Variants in BRF1 observed in about 807,000 individuals in gnomAD.
BRF1 encodes the protein transcription factor IIIB 90 kDa subunit.
A neutral mutation model predicts 81.7 loss-of-function variants in BRF1; 59 were observed. The ratio of observed to expected loss-of-function variants is 0.72; its 90% CI spans 0.59 to 0.90. The LOEUF (loss-of-function observed/expected upper bound fraction) is 0.90, where lower values mean the gene tolerates loss of function less well. Ranked by LOEUF, BRF1 falls within the 40% of genes least tolerant of loss-of-function variation. The probability of loss-of-function intolerance (pLI) is 0.00; values close to 1 mark genes in which losing one functional copy is unlikely to be tolerated. For missense variants in BRF1, 1,050 were observed against 936.3 expected (o/e 1.12, Z -1.58); for synonymous variants, 491 against 395.6 (o/e 1.24, Z -2.86).
chr14:105,305,221 C>A (rs939136563), upstream of BRF1, among the ~76,000 whole-genome samples: 3 of 151,926 alleles, frequency 2.0e-5, no homozygotes, highest in African/African-American at 7.3e-5. Context: ...AGCAACATGG[C>A]AAAACCCTGA....
At position 105,248,569 on chromosome 14, in the gene BRF1, T is replaced by TCGGGCGGGCGGGCGGG. The variant is rs587760631; in HGVS notation, c.544+3922_544+3937dup. 1.2e-3 allele frequency: 636 copies of TCGGGCGGGCGGGCGGG among 542,844 alleles called. 3 individuals are homozygous for TCGGGCGGGCGGGCGGG. Among genetic ancestry groups the TCGGGCGGGCGGGCGGG allele is most frequent in the East Asian group, 3.6e-3 (21 of 5,810 alleles). The allele number at this position is 542,844 out of a possible 1,614,324, so 33.6% of individuals were successfully genotyped here. ...CACCGGCGCCGCGGCGGGTACGGGC[T>TCGGGCGGGCGGGCGGG]CGGGCGGGCGGGCGGGCGGGACGGC... On this transcript the variant is annotated intron_variant, in intron 5 of 17. Coordinates refer to ENST00000547530, the MANE Select transcript of BRF1 (RefSeq NM_001519.4).
intron 3 of BRF1, among the ~76,000 whole-genome samples, chr14:105,267,289 C>T (rs1052029231): frequency 2.6e-5 from 4 of 152,028 alleles, no homozygotes; most frequent in Non-Finnish European, 4.4e-5. Flanking sequence ...GTCAGCCTTT[C>T]GGAAGTCTGA....
At chr14:105,302,219 T>C (rs2058059519), upstream of BRF1, among the ~76,000 whole-genome samples, 1 of 150,816 alleles carries the variant, frequency 6.6e-6, no homozygotes, top group Non-Finnish European at 1.5e-5. Flanking sequence ...TTTTTTTTTT[T>C]TGAGACGGAG....
intron 1 of BRF1, chr14:105,314,914 G>A: frequency 9.8e-7 from 1 of 1,025,406 alleles, no homozygotes; most frequent in Non-Finnish European, 1.2e-6. Flanking sequence ...GGCGGGGCCG[G>A]CGCCATGGCC....
Position 105,272,747 on chromosome 14 carries a change from A to G in BRF1, c.413T>C (p.Leu138Pro), listed in dbSNP as rs781256116. Residue 138 changes from leucine (L) to proline (P), a missense_variant, in exon 3 of 18, where the codon CTG becomes CCG. Around this residue, in one of 2 missense-constraint regions of BRF1, gnomAD observed 1,043 missense variants for 915.4 expected, o/e 1.14. Coordinates refer to ENST00000547530, the MANE Select transcript of BRF1 (RefSeq NM_001519.4). ...MAHVIAACLY[L>P]VCRTEGTPHM... ...CGGCGTGCCCTCCGTACGGCAGACC[A>G]GGTAGAGGCAGGCAGCAATCACGTG... 4 of 1,613,172 alleles carry G rather than the reference A, an allele frequency of 2.5e-6. No individual in the cohort carries two copies. Among genetic ancestry groups the G allele is most frequent in the African/African-American group, 1.3e-5 (1 of 74,932 alleles).
chr14:105,266,141 G>A (rs1026542641), intron 3 of BRF1, among the ~76,000 whole-genome samples: 24 of 151,966 alleles, frequency 1.6e-4, no homozygotes, highest in African/African-American at 5.3e-4. Flanking sequence ...TTATAGCCTC[G>A]AGTGCTTATG....
chr14:105,226,842 C>G (rs138850025), intron 7 of BRF1, 82 bp from the exon 8 acceptor site: 7 of 1,595,996 alleles, frequency 4.4e-6, no homozygotes, highest in Non-Finnish European at 6.0e-6. Context: ...CTGGGCGTGG[C>G]TCATGCCTGT....
intron 5 of BRF1, chr14:105,249,454 C>T: frequency 1.2e-6 from 2 of 1,613,658 alleles, no homozygotes; most frequent in Non-Finnish European, 1.7e-6. Context: ...GACGTGGAGC[C>T]CGCAGCCTTT....
intron 1 of BRF1, chr14:105,314,693 G>T (rs1347098945): frequency 2.1e-5 from 3 of 142,494 alleles, no homozygotes; most frequent in African/African-American, 7.5e-5. Flanking sequence ...GCGCGGGGCG[G>T]CCGGGGGCGC....
In BRF1 at chr14:105,217,579, T is replaced by G. The variant is rs587623336; in HGVS notation, c.1737A>C (p.Arg579Ser). ...CACTGGTCACAGGGTCAGCCCCACT[T>G]CTGCTGGCCGGCGTCCTCCTTCGTG... ...KLSRRRTPASRSGADPVTSVG... is the reference protein window; with the variant it reads ...KLSRRRTPASSSGADPVTSVG... Residue 579 changes from arginine (R) to serine (S), a missense_variant, in exon 15 of 18, where the codon AGA becomes AGC. Physicochemically the swap from Arg to Ser is moderately radical, Grantham distance 110. This residue lies in a region of BRF1 where 1,043 missense variants were observed against 915.4 expected (regional missense o/e 1.14). Coordinates refer to ENST00000547530, the MANE Select transcript of BRF1 (RefSeq NM_001519.4). 34 of 1,613,500 alleles carry G rather than the reference T, an allele frequency of 2.1e-5. No homozygotes were observed. In the Admixed American group the frequency reaches 2.2e-4, roughly 10 times the overall value.
At chr14:105,224,502 T>G (rs1432826106) in intron 10 of BRF1, among the ~76,000 whole-genome samples, 3 of 152,246 alleles carry the variant, frequency 2.0e-5, no homozygotes, top group African/African-American at 7.2e-5. Flanking sequence ...CTCTGCTTCT[T>G]CCTTTAAGGT....
chr14:105,250,940 C>T (rs2055572629), intron 5 of BRF1: 2 of 472,476 alleles, frequency 4.2e-6, no homozygotes, highest in Non-Finnish European at 7.8e-6. Flanking sequence ...CAGTGGCACC[C>T]ATGCCACCTG....
At chr14:105,287,300 A>T (rs1236093357) in intron 1 of BRF1, among the ~76,000 whole-genome samples, 1 of 152,216 alleles carries the variant, frequency 6.6e-6, no homozygotes, top group Non-Finnish European at 1.5e-5. Context: ...AGCATGGTGG[A>T]CATGTGGATT....
intron 3 of BRF1, among the ~76,000 whole-genome samples, chr14:105,263,535 C>G (rs1039198333): frequency 3.9e-5 from 6 of 152,156 alleles, no homozygotes; most frequent in African/African-American, 1.4e-4. Context: ...GAAGGGACAC[C>G]TGGGTCCTGC....
chr14:105,293,491 G>A (rs587746593), intron 1 of BRF1, among the ~76,000 whole-genome samples: 37 of 152,348 alleles, frequency 2.4e-4, no homozygotes, highest in African/African-American at 8.2e-4. Flanking sequence ...CTGCAAGCAG[G>A]AGCCCAGGAT....
At chr14:105,221,554 G>A (rs1006783542) in intron 11 of BRF1, 94 bp downstream of exon 11, 1 of 1,496,750 alleles carries the variant, frequency 6.7e-7, no homozygotes, top group African/African-American at 1.4e-5. Context: ...CCTCCCGACA[G>A]AGGATGGCAG....
chr14:105,241,174 A>G (rs2054593773), intron 6 of BRF1, 91 bp downstream of exon 6: 2 of 1,551,564 alleles, frequency 1.3e-6, no homozygotes, highest in African/African-American at 1.4e-5. Flanking sequence ...CTCTGCAAAC[A>G]TACGGCCCAG....
At chr14:105,301,519 A>G (rs1041301559), upstream of BRF1, among the ~76,000 whole-genome samples, 6 of 151,926 alleles carry the variant, frequency 3.9e-5, no homozygotes, top group African/African-American at 1.4e-4. Context: ...GGGCGGGGCC[A>G]GGGCAGCTGC....
chr14:105,217,622 G>A lies in BRF1; in HGVS notation c.1694C>T (p.Ala565Val), dbSNP rs200823645. ...HREDAQPEHS[A>V]SARKLSRRRT... is the part of the protein sequence containing the mutation. ...CCTTCGTGACAGCTTCCTGGCACTG[G>A]CGCTATGCTCGGGCTGTGCATCCTC... Residue 565 changes from alanine to valine, a missense_variant, in exon 15 of 18, where the codon GCC becomes GTC. By Grantham distance (64) the Ala-to-Val change is moderately conservative. Coordinates refer to ENST00000547530, the MANE Select transcript of BRF1 (RefSeq NM_001519.4). The A allele has an allele frequency of 1.9e-6, 3 of 1,613,392 alleles. No individual in the cohort carries two copies. Among genetic ancestry groups the A allele is most frequent in the African/African-American group, 1.3e-5 (1 of 75,068 alleles).
Sources: allele counts gnomAD v4.1 joint callset (sites outside exome capture counted in the v4.1 genomes callset), GRCh38; gene constraint gnomAD v4.1.1; regional missense constraint gnomAD v4.1.1; transcripts MANE v1.5; gene names NCBI Gene and HGNC (gene_info 2026-07-23, HGNC 2026-07-21).